The following CHFR variants were observed in gnomAD, a reference collection of about 807,000 sequenced individuals.
CHFR encodes the protein checkpoint with forkhead and ring finger domains.
A neutral mutation model predicts 87.6 loss-of-function variants in CHFR; 57 were observed. That is an observed-to-expected ratio of 0.65 (90% CI 0.53 to 0.81). The LOEUF is 0.81. Among genes scored for constraint, CHFR ranks in the 30% least tolerant of loss-of-function variants. CHFR has a pLI of 0.00. For missense variants in CHFR, 797 were observed against 865.8 expected, an observed-to-expected ratio of 0.92 and a Z score of 1.00; for synonymous variants, 381 against 359.2, an observed-to-expected ratio of 1.06 and a Z score of -0.69.
Position 132,872,406 on chromosome 12 carries a change from C to T in CHFR, c.234-12G>A. 1.3e-6 allele frequency: 2 copies of T among 1,577,258 alleles called. No individual in the cohort carries two copies. Among genetic ancestry groups the T allele is most frequent in the Non-Finnish European group, 1.7e-6 (2 of 1,148,336 alleles). On this transcript the variant is annotated splice_polypyrimidine_tract_variant and intron_variant, in intron 3 of 17. Coordinates refer to ENST00000450056, the MANE Select transcript of CHFR (RefSeq NM_001161346.2). ...CTGTTCCACTGGTGCTGTAAAAAAA[C>T]AAAAACACAATTTATTCTACTTAAA...
At chr12:132,865,814 C>T (rs12305506) in intron 6 of CHFR, 40 of 151,994 alleles carry the variant, frequency 2.6e-4, no homozygotes, top group African/African-American at 9.4e-4. Flanking sequence ...CATGCACCAC[C>T]ACACCCGGCT....
At chr12:132,869,942 T>C (rs1256097369) in intron 5 of CHFR, 144 bp from the exon 6 acceptor site, 5 of 926,220 alleles carry the variant, frequency 5.4e-6, no homozygotes, top group Non-Finnish European at 8.2e-6. Context: ...GGCACGGTGG[T>C]GCAGGCCTGT....
chr12:132,880,237 A>G (rs966322452), intron 2 of CHFR, among the ~76,000 whole-genome samples: 3 of 152,212 alleles, frequency 2.0e-5, no homozygotes, highest in Admixed American at 2.0e-4. Context: ...ATCTAAAACT[A>G]TGAAACTTCC....
At chr12:132,871,481 A>G (rs183473929) in intron 4 of CHFR, among the ~76,000 whole-genome samples, 3 of 145,680 alleles carry the variant, frequency 2.1e-5, no homozygotes, top group African/African-American at 5.1e-5. Flanking sequence ...AATTAAATAA[A>G]TAAGTATTGG....
At chr12:132,862,357 C>T (rs1265270599) in intron 6 of CHFR, 2 of 418,518 alleles carry the variant, frequency 4.8e-6, no homozygotes. Flanking sequence ...CTTTGGGAGG[C>T]CAAGGTGGGA....
chr12:132,853,095 C>T (rs774768503), intron 11 of CHFR, among the ~76,000 whole-genome samples: 11 of 152,200 alleles, frequency 7.2e-5, no homozygotes, highest in African/African-American at 1.4e-4. Context: ...GACAGATATG[C>T]GATCATCACT....
intron 7 of CHFR, among the ~76,000 whole-genome samples, chr12:132,859,822 G>A (rs545324804): frequency 1.1e-4 from 17 of 152,140 alleles, no homozygotes; most frequent in African/African-American, 3.4e-4. Flanking sequence ...TGGGCAGATC[G>A]CTTGAGCCCA....
rs1163079471 is a variant in CHFR, at chr12:132,841,171, T to A, written c.*383A>T. 5.3e-6 allele frequency: 1 copy of A among 189,402 alleles called. No homozygotes were observed. The highest frequency in any genetic ancestry group is 5.7e-5 in the Admixed American group (1 of 17,662). 11.7% of individuals were successfully genotyped at this position (189,402 alleles called of 1,614,324 possible). A position where few individuals can be genotyped will look rare whatever the true frequency, so the allele number is the denominator to read the frequency against. ...CCTTCTCCTGAAACAATGTTTTTGA[T>A]AAACTTGCCCTTCTCCCTTGAAACT... On this transcript the variant is annotated 3_prime_UTR_variant, in exon 18 of 18. Coordinates refer to ENST00000450056, the MANE Select transcript of CHFR (RefSeq NM_001161346.2).
At chr12:132,845,556 G>C (rs1241175616) in intron 15 of CHFR, among the ~76,000 whole-genome samples, 2 of 152,108 alleles carry the variant, frequency 1.3e-5, no homozygotes, top group African/African-American at 4.8e-5. Context: ...AGGCTGAGGT[G>C]AGATGATCTC....
chr12:132,847,163 A>G, intron 14 of CHFR, 33 bp from the exon 15 acceptor site: 2 of 1,610,852 alleles, frequency 1.2e-6, no homozygotes, highest in Non-Finnish European at 1.7e-6. Flanking sequence ...AATAAGAAAT[A>G]CTCGTTTAGA....
chr12:132,876,378 C>A (rs762113571), intron 3 of CHFR, among the ~76,000 whole-genome samples: 7 of 152,102 alleles, frequency 4.6e-5, no homozygotes, highest in Non-Finnish European at 1.0e-4. Context: ...TGAGCACCAA[C>A]AAGACACTCA....
At chr12:132,842,698 A>AG (rs1950727052) in intron 17 of CHFR, among the ~76,000 whole-genome samples, 1 of 152,218 alleles carries the variant, frequency 6.6e-6, no homozygotes, top group Admixed American at 6.5e-5. Context: ...GCGCTTTGCG[A>AG]GGGGGGCCTG....
At chr12:132,868,359 G>A (rs1347602403) in intron 6 of CHFR, among the ~76,000 whole-genome samples, 4 of 152,124 alleles carry the variant, frequency 2.6e-5, no homozygotes, top group Admixed American at 6.6e-5. Context: ...GCGTGGTGAC[G>A]GGTGCCTGTA....
At chr12:132,884,436 A>G (rs1413800362) in intron 2 of CHFR, among the ~76,000 whole-genome samples, 2 of 151,092 alleles carry the variant, frequency 1.3e-5, no homozygotes, top group Non-Finnish European at 2.9e-5. Context: ...ATACATATAT[A>G]TATATAAAAT....
chr12:132,868,713 G>C (rs1593500468), intron 6 of CHFR, among the ~76,000 whole-genome samples: 1 of 151,496 alleles, frequency 6.6e-6, no homozygotes, highest in East Asian at 1.9e-4. Flanking sequence ...ATGATTCCAT[G>C]TCTGTGAAGT....
intron 14 of CHFR, chr12:132,847,517 G>C (rs939107664): frequency 5.8e-5 from 63 of 1,085,068 alleles, no homozygotes; most frequent in Non-Finnish European, 7.0e-5. Flanking sequence ...ACACACACGA[G>C]CTGTTGAGCT....
rs929574792 is a variant in CHFR, at chr12:132,842,933, A to G, written c.1916+78T>C. ...GCAACCTGAGAGAAGCATAATGACC[A>G]TATCAGCCTATTTATAAGCAGGCAG... On this transcript the variant is annotated intron_variant, in intron 17 of 17. Coordinates refer to ENST00000450056, the MANE Select transcript of CHFR (RefSeq NM_001161346.2). 1.2e-4 allele frequency: 140 copies of G among 1,180,410 alleles called. 1 individual carries two copies. The East Asian group carries it at 1.8e-3, about 15-fold the overall frequency. The allele number at this position is 1,180,410 out of a possible 1,614,324, so 73.1% of individuals were successfully genotyped here.
chr12:132,873,117 C>T (rs1040464330), intron 3 of CHFR, among the ~76,000 whole-genome samples: 2 of 152,148 alleles, frequency 1.3e-5, no homozygotes, highest in Admixed American at 6.5e-5. Context: ...CCGGGCAAAA[C>T]GACTGAAACC....
chr12:132,853,879 G>A (rs1369576880), intron 10 of CHFR: 2 of 400,592 alleles, frequency 5.0e-6, no homozygotes, highest in Non-Finnish European at 8.9e-6. Context: ...AGCAGGGCAA[G>A]GGCCAGCACG....
Sources: allele counts gnomAD v4.1 joint callset (sites outside exome capture counted in the v4.1 genomes callset), GRCh38; gene constraint gnomAD v4.1.1; transcripts MANE v1.5; gene names NCBI Gene and HGNC (gene_info 2026-07-23, HGNC 2026-07-21).